STK32B: variants seen among roughly 807,000 people sequenced by gnomAD.
STK32B encodes serine/threonine-protein kinase 32B.
A neutral mutation model predicts 52.6 loss-of-function variants in STK32B; 43 were observed. The ratio of observed to expected loss-of-function variants is 0.82; its 90% CI spans 0.64 to 1.05. The LOEUF is 1.05. Ranked by LOEUF, STK32B falls within the 50% of genes least tolerant of loss-of-function variation. The probability of loss-of-function intolerance (pLI) is 0.00; values close to 1 mark genes in which losing one functional copy is unlikely to be tolerated. For missense variants in STK32B, 621 were observed against 534.6 expected (o/e 1.16, Z -1.59); for synonymous variants, 238 against 204.3 (o/e 1.17, Z -1.41).
At chr4:5,457,925 AAGG>A (rs1003370435) in intron 8 of STK32B, among the ~76,000 whole-genome samples, 1 of 140,988 alleles carries the variant, frequency 7.1e-6, no homozygotes, top group African/African-American at 2.5e-5. Flanking sequence ...GAGAGGAAGG[AAGG>A]AGGGAGGGAG....
chr4:5,240,381 T>C (rs957039349), intron 3 of STK32B, among the ~76,000 whole-genome samples: 1 of 152,228 alleles, frequency 6.6e-6, no homozygotes, highest in Non-Finnish European at 1.5e-5. Context: ...ATTGCAAATA[T>C]GTTCTTCAAG....
intron 3 of STK32B, among the ~76,000 whole-genome samples, chr4:5,303,879 G>A (rs1729741695): frequency 2.0e-5 from 3 of 150,372 alleles, no homozygotes; most frequent in African/African-American, 5.0e-5. Context: ...TGAGGATCCA[G>A]TTGCATTCTT....
chr4:5,482,246 C>A (rs1718777986), intron 11 of STK32B, among the ~76,000 whole-genome samples: 2 of 152,210 alleles, frequency 1.3e-5, no homozygotes, highest in South Asian at 2.1e-4. Flanking sequence ...TTGTTTGTAT[C>A]CTCTTTTATT....
chr4:5,163,586 G>GTGTGTGTA, intron 2 of STK32B, among the ~76,000 whole-genome samples: 1 of 151,094 alleles, frequency 6.6e-6, no homozygotes, highest in Non-Finnish European at 1.5e-5. Context: ...GTGTGTAAGA[G>GTGTGTGTA]AGAGAGAGAG....
intron 3 of STK32B, among the ~76,000 whole-genome samples, chr4:5,189,318 C>T (rs151292716): frequency 3.5e-4 from 53 of 152,326 alleles, no homozygotes; most frequent in East Asian, 2.7e-3. Flanking sequence ...ATTCATCCCT[C>T]GTTCCCCTCC....
At chr4:5,357,026 CACACACACACACACATATAT>C (rs973563281) in intron 4 of STK32B, among the ~76,000 whole-genome samples, 30 of 148,498 alleles carry the variant, frequency 2.0e-4, no homozygotes, top group Admixed American at 5.5e-4. Context: ...TATATATACA[CACACACACACACACATATAT>C]ACACACACAC....
chr4:5,401,463 C>T (rs1391358822), intron 5 of STK32B, among the ~76,000 whole-genome samples: 3 of 152,202 alleles, frequency 2.0e-5, no homozygotes, highest in Non-Finnish European at 4.4e-5. Context: ...CTGCTAGTTA[C>T]ACAAAATCCA....
chr4:5,317,200 T>C lies in STK32B; in HGVS notation c.261-14020T>C, dbSNP rs1378614644. 3.3e-5 allele frequency among the ~76,000 whole-genome samples: 2 copies of C among 60,978 alleles called. 1 individual carries two copies. Among genetic ancestry groups the C allele is most frequent in the East Asian group, 1.1e-3 (2 of 1,806 alleles). 40.0% of individuals were successfully genotyped at this position (60,978 alleles called of 152,430 possible). ...ATAATATATATATATAACATATATA[T>C]ATTATATATATAACATATATATATT... On this transcript the variant is annotated intron_variant, in intron 3 of 11. Coordinates refer to ENST00000282908, the MANE Select transcript of STK32B (RefSeq NM_018401.3).
At chr4:5,140,347 AG>A in intron 2 of STK32B, 1 of 1,213,328 alleles carries the variant, frequency 8.2e-7, no homozygotes, top group Non-Finnish European at 1.1e-6. Context: ...TTTTTTGAAA[AG>A]GTATAGAAGG....
chr4:5,450,399 GTC>G (rs1715875737), intron 7 of STK32B, among the ~76,000 whole-genome samples: 1 of 151,566 alleles, frequency 6.6e-6, no homozygotes, highest in Non-Finnish European at 1.5e-5. Context: ...AAACCTCAAA[GTC>G]TCTCTGACAG....
intron 3 of STK32B, among the ~76,000 whole-genome samples, chr4:5,279,084 C>T (rs563149195): frequency 7.2e-5 from 11 of 152,298 alleles, no homozygotes; most frequent in African/African-American, 2.6e-4. Context: ...ATCCTTCTCA[C>T]ATTTCAAAAC....
intron 3 of STK32B, among the ~76,000 whole-genome samples, chr4:5,268,173 A>T (rs938802482): frequency 2.0e-5 from 3 of 152,092 alleles, no homozygotes; most frequent in African/African-American, 7.2e-5. Flanking sequence ...TTTCACTTTG[A>T]TATTTCTTTG....
chr4:5,019,506 G>C, the STK32B span: 1 of 1,397,778 alleles, frequency 7.2e-7, no homozygotes, highest in South Asian at 1.6e-5. Flanking sequence ...GGGTGGTCCA[G>C]GGCGGCTCCA....
intron 4 of STK32B, among the ~76,000 whole-genome samples, chr4:5,353,607 A>G (rs1733984423): frequency 6.6e-6 from 1 of 152,222 alleles, no homozygotes; most frequent in African/African-American, 2.4e-5. Flanking sequence ...TCAAAAGAAG[A>G]CATAAAAATG....
chr4:5,056,657 A>G (rs1560129138), intron 1 of STK32B, among the ~76,000 whole-genome samples: 3 of 152,188 alleles, frequency 2.0e-5, no homozygotes, highest in Admixed American at 2.0e-4. Context: ...TTCTCATAGT[A>G]GTTGCAGAAA....
In STK32B at chr4:5,188,019, C is replaced by G. The variant is rs369820411; in HGVS notation, c.260+19569C>G. Among the ~76,000 whole-genome samples the G allele has an allele frequency of 3.3e-5, 5 of 152,026 alleles. No individual in the cohort carries two copies. The East Asian group carries it at 5.8e-4, about 18-fold the overall frequency. On this transcript the variant is annotated intron_variant, in intron 3 of 11. Coordinates refer to ENST00000282908, the MANE Select transcript of STK32B (RefSeq NM_018401.3). Reference sequence around the variant, plus strand: ...CTCAGTTTCCTCGTGTAGGGCGCGCCTACAGCTCCCTCCCTTTCATGCTTT... The same window carrying G: ...CTCAGTTTCCTCGTGTAGGGCGCGCGTACAGCTCCCTCCCTTTCATGCTTT...
upstream of STK32B, among the ~76,000 whole-genome samples, chr4:5,049,681 T>C (rs1051949225): frequency 1.3e-5 from 2 of 152,146 alleles, no homozygotes; most frequent in Admixed American, 1.3e-4. Context: ...GCCATCTGGA[T>C]GTATATGTGC....
chr4:5,046,374 A>C, the STK32B span, among the ~76,000 whole-genome samples: 3 of 152,258 alleles, frequency 2.0e-5, no homozygotes, highest in African/African-American at 7.2e-5. Context: ...CTCAAGATGG[A>C]TTAAAGACTT....
intron 6 of STK32B, chr4:5,436,595 G>A (rs141751554): frequency 2.4e-4 from 233 of 985,396 alleles, no homozygotes; most frequent in Non-Finnish European, 2.7e-4. Context: ...CTGCTCCTAG[G>A]GGACTAGAAG....
Sources: gnomAD v4.1 joint callset for allele counts (sites outside exome capture counted in the v4.1 genomes callset) on GRCh38, gnomAD v4.1.1 for gene constraint, MANE v1.5 for transcripts, NCBI Gene and HGNC (gene_info 2026-07-23, HGNC 2026-07-21) for gene names.